DMD: variants seen among roughly 807,000 people sequenced by gnomAD.
DMD encodes the protein mutant dystrophin.
DMD carries 63 observed loss-of-function variants against 330.1 expected under a neutral mutation model. That is an observed-to-expected ratio of 0.19 (90% CI 0.16 to 0.24). DMD has a LOEUF of 0.24. DMD is among the 10% of genes least tolerant of loss of function. DMD has a pLI of 1.00. For synonymous variants in DMD, 1,223 were observed against 959.8 expected (o/e 1.27, Z -5.07); for missense variants, 3,344 against 2,684.1 (o/e 1.25, Z -5.43).
intron 2 of DMD, among the ~76,000 whole-genome samples, chrX:32,987,034 T>A (rs1237885097): frequency 1.8e-5 from 2 of 112,607 alleles, no homozygotes; most frequent in Non-Finnish European, 3.7e-5. Context: ...TTGCTTCTGA[T>A]ATCTTTCTGT....
At chrX:32,850,732 T>TCA (rs1023763640) in intron 2 of DMD, among the ~76,000 whole-genome samples, 8 of 111,951 alleles carry the variant, frequency 7.1e-5, no homozygotes, top group African/African-American at 2.3e-4. Context: ...TTGTCATACT[T>TCA]CACCAAATCG....
intron 62 of DMD, among the ~76,000 whole-genome samples, chrX:31,291,874 A>G (rs1329592240): frequency 9.0e-6 from 1 of 111,329 alleles, no homozygotes. Context: ...TTCTAAATGA[A>G]TGTTTAGCAT....
intron 7 of DMD, among the ~76,000 whole-genome samples, chrX:32,789,370 C>A (rs2148619050): frequency 8.9e-6 from 1 of 112,098 alleles, no homozygotes; most frequent in East Asian, 2.8e-4. Flanking sequence ...ACAACAGATT[C>A]TGGATCTTAT....
At chrX:32,697,733 A>C in intron 9 of DMD, 137 bp downstream of exon 9, 1 of 820,199 alleles carries the variant, frequency 1.2e-6, no homozygotes, top group East Asian at 3.5e-5. Context: ...TGAGGGAATC[A>C]ATAAAACTTG....
At chrX:32,087,027 G>A (rs1428073473) in intron 44 of DMD, among the ~76,000 whole-genome samples, 2 of 111,500 alleles carry the variant, frequency 1.8e-5, no homozygotes, top group Non-Finnish European at 3.8e-5. Context: ...GTTAAGAATT[G>A]AAACGAGAGT....
intron 43 of DMD, among the ~76,000 whole-genome samples, chrX:32,259,487 A>G (rs1295807152): frequency 9.0e-6 from 1 of 111,221 alleles, no homozygotes; most frequent in Non-Finnish European, 1.9e-5. Context: ...ATAAAAATTC[A>G]CTTAAACATA....
intron 34 of DMD, among the ~76,000 whole-genome samples, chrX:32,371,367 C>G (rs926284088): frequency 2.7e-5 from 3 of 110,561 alleles, no homozygotes; most frequent in Non-Finnish European, 3.8e-5. Flanking sequence ...TCAGGCAACT[C>G]TTGGCATACT....
At chrX:32,293,647 G>T (rs141113902) in intron 42 of DMD, among the ~76,000 whole-genome samples, 4,306 of 111,560 alleles carry the variant, frequency 0.039, 149 homozygotes, top group East Asian at 0.29. Flanking sequence ...TGCTGTATTT[G>T]ACATCAGAGG....
intron 42 of DMD, among the ~76,000 whole-genome samples, chrX:32,301,222 T>TAAAAAAAAAAAAAAAAAA (rs56329666): frequency 1.3e-5 from 1 of 74,686 alleles, no homozygotes; most frequent in African/African-American, 4.9e-5. Flanking sequence ...TGCATACATC[T>TAAAAAAAAAAAAAAAAAA]AAAAAAAAAA....
At chrX:31,293,218 T>TGTGTGTGTGTGTGTGTGTGGTCTGGTTTA (rs2053895100) in intron 62 of DMD, among the ~76,000 whole-genome samples, 1 of 95,879 alleles carries the variant, frequency 1.0e-5, no homozygotes, top group African/African-American at 4.4e-5. Context: ...TGTGTGTGTG[T>TGTGTGTGTGTGTGTGTGTGGTCTGGTTTA]GTGTGTGTGT....
intron 60 of DMD, among the ~76,000 whole-genome samples, chrX:31,406,316 T>C (rs913688862): frequency 9.0e-6 from 1 of 111,515 alleles, no homozygotes; most frequent in Non-Finnish European, 1.9e-5. Flanking sequence ...GATAAAATAA[T>C]GTGTACAACA....
At chrX:32,896,427 A>G (rs2085726578) in intron 2 of DMD, among the ~76,000 whole-genome samples, 1 of 112,139 alleles carries the variant, frequency 8.9e-6, no homozygotes, top group African/African-American at 3.2e-5. Context: ...TAAAGCAAAG[A>G]GTCACATGTA....
chrX:31,939,684 T>C (rs1161104517), intron 45 of DMD, among the ~76,000 whole-genome samples: 3 of 111,171 alleles, frequency 2.7e-5, no homozygotes, highest in African/African-American at 9.8e-5. Flanking sequence ...GTAGAGAACA[T>C]AAAAGGAGGT....
At chrX:33,190,138 T>C (rs965234326) in intron 1 of DMD, among the ~76,000 whole-genome samples, 1 of 111,177 alleles carries the variant, frequency 9.0e-6, no homozygotes, top group Non-Finnish European at 1.9e-5. Flanking sequence ...ACAAATGGTA[T>C]CATGATCCTT....
At chrX:31,769,973 G>T (rs190884139) in intron 51 of DMD, among the ~76,000 whole-genome samples, 14 of 111,817 alleles carry the variant, frequency 1.3e-4, no homozygotes, top group Non-Finnish European at 2.3e-4. Flanking sequence ...ATTAACATGT[G>T]ACCCAAACAA....
chrX:31,853,702 T>G (rs1457684531), intron 48 of DMD, among the ~76,000 whole-genome samples: 1 of 111,182 alleles, frequency 9.0e-6, no homozygotes, highest in Non-Finnish European at 1.9e-5. Context: ...CAGGCAACAT[T>G]GCTTCAGATT....
intron 55 of DMD, among the ~76,000 whole-genome samples, chrX:31,613,056 A>G (rs1603425792): frequency 8.9e-6 from 1 of 112,069 alleles, no homozygotes; most frequent in African/African-American, 3.2e-5. Context: ...GAGCAAAGAT[A>G]ACTTCTCTTG....
chrX:31,414,734 G>A (rs2061794333), intron 60 of DMD, among the ~76,000 whole-genome samples: 1 of 112,235 alleles, frequency 8.9e-6, no homozygotes, highest in Admixed American at 9.5e-5. Flanking sequence ...AAAAACTGGA[G>A]TTTCAGTAGC....
intron 45 of DMD, among the ~76,000 whole-genome samples, chrX:31,958,531 T>C (rs1230161365): frequency 9.0e-6 from 1 of 111,565 alleles, no homozygotes; most frequent in Non-Finnish European, 1.9e-5. Flanking sequence ...TGGTACTCTG[T>C]GGCCCCATAA....
Sources: gnomAD v4.1 joint callset for allele counts (sites outside exome capture counted in the v4.1 genomes callset) on GRCh38, gnomAD v4.1.1 for gene constraint, MANE v1.5 for transcripts, NCBI Gene and HGNC (gene_info 2026-07-23, HGNC 2026-07-21) for gene names.